GALNT14: variants seen among roughly 807,000 people sequenced by gnomAD.
GALNT14 encodes the protein UDP-GalNAc:polypeptide N-acetylgalactosaminyltransferase 14.
GALNT14 carries 60 observed loss-of-function variants against 77.5 expected under a neutral mutation model. The ratio of observed to expected loss-of-function variants is 0.77; its 90% CI spans 0.63 to 0.96. The LOEUF (loss-of-function observed/expected upper bound fraction) is 0.96, where lower values mean the gene tolerates loss of function less well. GALNT14 is among the 40% of genes least tolerant of loss of function. GALNT14 has a pLI of 0.00. For synonymous variants in GALNT14, 280 were observed against 281.7 expected, an observed-to-expected ratio of 0.99 and a Z score of 0.06; for missense variants, 710 against 731.0, an observed-to-expected ratio of 0.97 and a Z score of 0.33.
At chr2:31,111,987 T>C (rs1677861378) in intron 1 of GALNT14, among the ~76,000 whole-genome samples, 1 of 150,688 alleles carries the variant, frequency 6.6e-6, no homozygotes, top group Non-Finnish European at 1.5e-5. Context: ...ACTAAAACTG[T>C]GTACTTGCTT....
chr2:31,110,623 C>T (rs1376292863), intron 1 of GALNT14, among the ~76,000 whole-genome samples: 1 of 152,126 alleles, frequency 6.6e-6, no homozygotes, highest in Non-Finnish European at 1.5e-5. Flanking sequence ...GAAACAACCA[C>T]AGGAAAGAAG....
chr2:30,935,948 G>A (rs1572994723), intron 9 of GALNT14, among the ~76,000 whole-genome samples: 1 of 152,240 alleles, frequency 6.6e-6, no homozygotes, highest in East Asian at 1.9e-4. Flanking sequence ...CTGAAGTGAG[G>A]GAGGAGGGAA....
chr2:31,003,490 T>C (rs1670487110), intron 1 of GALNT14, among the ~76,000 whole-genome samples: 1 of 152,070 alleles, frequency 6.6e-6, no homozygotes, highest in Admixed American at 6.6e-5. Context: ...CCCCGGAGGG[T>C]CTGCCAGCCA....
At chr2:31,088,829 G>A (rs11124238) in intron 1 of GALNT14, among the ~76,000 whole-genome samples, 68,142 of 151,994 alleles carry the variant, frequency 0.45, 15,746 homozygotes, top group African/African-American at 0.48. Flanking sequence ...TTGGCAGGGC[G>A]ATGCCCATGA....
rs1395698749 is a variant in GALNT14, at chr2:30,942,219, A to T, written c.913T>A (p.Trp305Arg). The change falls in exon 9 of 15, where the codon TGG becomes AGG. Residue 305 changes from tryptophan to arginine, a missense_variant. Transcript: ENST00000349752. Reference protein sequence around the residue: ...LGKYDMDMDIWGGENFEISFR... With the variant: ...LGKYDMDMDIRGGENFEISFR... Reference sequence around the variant, plus strand: ...GACTCACCAAAGTTCTCCCCACCCCAGATGTCCATGTCCATATCATATTTC... The same window carrying T: ...GACTCACCAAAGTTCTCCCCACCCCTGATGTCCATGTCCATATCATATTTC... 3 of 1,613,866 alleles carry T rather than the reference A, an allele frequency of 1.9e-6. No homozygotes were observed. The East Asian group carries it at 6.7e-5, about 36-fold the overall frequency.
At chr2:31,047,790 C>T (rs1444324024) in intron 1 of GALNT14, among the ~76,000 whole-genome samples, 2 of 152,210 alleles carry the variant, frequency 1.3e-5, no homozygotes, top group East Asian at 3.9e-4. Flanking sequence ...CTGGAATCTG[C>T]ATTTTCACTA....
chr2:31,035,250 A>AT (rs1227321589), intron 1 of GALNT14, among the ~76,000 whole-genome samples: 1 of 151,874 alleles, frequency 6.6e-6, no homozygotes, highest in Non-Finnish European at 1.5e-5. Context: ...CTTAAATTCA[A>AT]TTTTTGCTTC....
chr2:31,035,602 C>T (rs1157195578), intron 1 of GALNT14, among the ~76,000 whole-genome samples: 9 of 54,200 alleles, frequency 1.7e-4, no homozygotes, highest in Non-Finnish European at 2.5e-4. Context: ...TATACATATA[C>T]ACACACACAC....
At chr2:30,976,344 C>A (rs945907443) in intron 2 of GALNT14, among the ~76,000 whole-genome samples, 10 of 152,330 alleles carry the variant, frequency 6.6e-5, no homozygotes, top group Non-Finnish European at 1.5e-4. Flanking sequence ...TTAAAGACCT[C>A]CTAGAAATGG....
At chr2:31,009,169 T>C (rs1333526068) in intron 1 of GALNT14, among the ~76,000 whole-genome samples, 2 of 152,132 alleles carry the variant, frequency 1.3e-5, no homozygotes, top group African/African-American at 2.4e-5. Context: ...GCAGAAAGAA[T>C]GAAAGAAGAA....
In GALNT14 at chr2:30,911,195, C is replaced by G; in HGVS notation, c.1501-136G>C. ...TTTCATGGTTTCATAAGCACTAAAA[C>G]TGCAACTAATTGCTCTACCAGGTAT... On this transcript the variant is annotated intron_variant, in intron 14 of 14. Coordinates refer to ENST00000349752, the MANE Select transcript of GALNT14 (RefSeq NM_024572.4). The G allele has an allele frequency of 4.2e-6, 3 of 719,192 alleles. No homozygotes were observed. In the South Asian group the frequency reaches 6.1e-5, roughly 15 times the overall value. The allele number at this position is 719,192 out of a possible 1,614,324, so 44.6% of individuals were successfully genotyped here.
chr2:31,121,468 A>C (rs188174814), intron 1 of GALNT14, among the ~76,000 whole-genome samples: 30 of 152,340 alleles, frequency 2.0e-4, no homozygotes, highest in Non-Finnish European at 3.8e-4. Context: ...ACATTTACTG[A>C]ACAAAGTCCC....
intron 2 of GALNT14, among the ~76,000 whole-genome samples, chr2:30,981,062 G>C (rs1213206789): frequency 6.6e-6 from 1 of 152,234 alleles, no homozygotes; most frequent in African/African-American, 2.4e-5. Flanking sequence ...TACAAGGCAT[G>C]AAGAGTCTTA....
chr2:31,080,331 G>A (rs1305753592), intron 1 of GALNT14, among the ~76,000 whole-genome samples: 1 of 152,198 alleles, frequency 6.6e-6, no homozygotes, highest in Admixed American at 6.5e-5. Context: ...ATTTTTTAGT[G>A]TGTCCCAAAT....
intron 1 of GALNT14, chr2:31,073,004 C>T (rs142294935): frequency 3.9e-5 from 6 of 152,300 alleles, no homozygotes; most frequent in African/African-American, 1.2e-4. Context: ...AGGGCACAGG[C>T]AATCTTTACA....
intron 1 of GALNT14, among the ~76,000 whole-genome samples, chr2:31,012,252 C>T (rs539076800): frequency 6.6e-6 from 1 of 152,322 alleles, no homozygotes; most frequent in South Asian, 2.1e-4. Flanking sequence ...CTGCCCTGGA[C>T]TTTTGGTCTG....
chr2:31,120,824 G>A (rs2365207), intron 1 of GALNT14, among the ~76,000 whole-genome samples: 20,769 of 152,140 alleles, frequency 0.14, 2,150 homozygotes, highest in African/African-American at 0.29. Flanking sequence ...CCAAAGTGCT[G>A]GGATTACAGG....
intron 1 of GALNT14, among the ~76,000 whole-genome samples, chr2:31,100,534 T>C (rs866396055): frequency 1.7e-4 from 26 of 152,124 alleles, no homozygotes; most frequent in Middle Eastern, 3.4e-3. Flanking sequence ...CTTCCCTCTC[T>C]TTTTTACTGT....
At chr2:31,025,787 C>G (rs1031331248) in intron 1 of GALNT14, among the ~76,000 whole-genome samples, 1 of 152,188 alleles carries the variant, frequency 6.6e-6, no homozygotes, top group Non-Finnish European at 1.5e-5. Context: ...ATTCTGGGGT[C>G]TGACAAGTCC....
Sources: allele counts gnomAD v4.1 joint callset (sites outside exome capture counted in the v4.1 genomes callset), GRCh38; gene constraint gnomAD v4.1.1; transcripts MANE v1.5; gene names NCBI Gene and HGNC (gene_info 2026-07-23, HGNC 2026-07-21).